FAM149B1: variants seen among roughly 807,000 people sequenced by gnomAD.
FAM149B1 encodes the protein primary cilium assembly protein FAM149B1.
FAM149B1 carries 56 observed loss-of-function variants against 75.3 expected under a neutral mutation model. The observed-to-expected ratio is 0.74, with a 90% CI of 0.60 to 0.93. The LOEUF (loss-of-function observed/expected upper bound fraction) is 0.93, where lower values mean the gene tolerates loss of function less well. Ranked by LOEUF, FAM149B1 falls within the 40% of genes least tolerant of loss-of-function variation. The pLI, the probability that FAM149B1 is intolerant of heterozygous loss-of-function variation, is 0.00. For missense variants in FAM149B1, 639 were observed against 708.4 expected (o/e 0.90, Z 1.11); for synonymous variants, 259 against 256.1 (o/e 1.01, Z -0.11).
At chr10:73,240,706 T>C (rs2043929732) in intron 13 of FAM149B1, among the ~76,000 whole-genome samples, 2 of 144,074 alleles carry the variant, frequency 1.4e-5, no homozygotes, top group African/African-American at 2.6e-5. Flanking sequence ...AGAGTGAGAC[T>C]CCACCTCCAA....
chr10:73,232,242 C>G (rs1019800392), intron 9 of FAM149B1, among the ~76,000 whole-genome samples: 2 of 152,164 alleles, frequency 1.3e-5, no homozygotes, highest in African/African-American at 2.4e-5. Context: ...ACACCTGAAT[C>G]TGTAGGGCAG....
At position 73,191,491 on chromosome 10, in the gene FAM149B1, C is replaced by G. The variant is rs181731700; in HGVS notation, c.283-1065C>G. Among the ~76,000 whole-genome samples, 123 of 152,280 alleles carry G rather than the reference C, an allele frequency of 8.1e-4. No individual in the cohort carries two copies. In the East Asian group the frequency reaches 0.011, roughly 14 times the overall value. ...AACTGGGATTACAGGCACCCGCCAT[C>G]ACACCCAGCTAATTTTTTTTATTTT... On this transcript the variant is annotated intron_variant, in intron 3 of 13. Transcript: ENST00000242505.
chr10:73,187,633 G>T (rs962049299), intron 3 of FAM149B1, among the ~76,000 whole-genome samples: 2 of 152,036 alleles, frequency 1.3e-5, no homozygotes, highest in African/African-American at 4.8e-5. Context: ...GGAGGCTGAG[G>T]CAGGAGAATG....
chr10:73,206,057 A>G (rs11000547), intron 5 of FAM149B1, among the ~76,000 whole-genome samples: 23,430 of 152,202 alleles, frequency 0.15, 2,952 homozygotes, highest in African/African-American at 0.32. Flanking sequence ...GGTTGTGACC[A>G]AAATGCTAAT....
intron 10 of FAM149B1, chr10:73,234,478 G>A: frequency 3.7e-6 from 1 of 269,202 alleles, no homozygotes; most frequent in Non-Finnish European, 7.2e-6. Flanking sequence ...GTCCAGAACT[G>A]TCAAGAATTC....
chr10:73,188,022 G>T (rs935204096), intron 3 of FAM149B1, among the ~76,000 whole-genome samples: 137 of 152,282 alleles, frequency 9.0e-4, no homozygotes, highest in Non-Finnish European at 8.4e-4. Context: ...GGCAGAGGTT[G>T]CAGTGAGCCA....
intron 7 of FAM149B1, among the ~76,000 whole-genome samples, chr10:73,225,793 TCTTTTGTAC>T (rs1281690746): frequency 6.6e-6 from 1 of 152,220 alleles, no homozygotes; most frequent in Non-Finnish European, 1.5e-5. Context: ...ACCATTTTTA[TCTTTTGTAC>T]CATAATTTTA....
At position 73,233,006 on chromosome 10, in the gene FAM149B1, A is replaced by G. The variant is rs1564715267; in HGVS notation, c.1195A>G (p.Asn399Asp). 4 of 1,552,026 alleles carry G rather than the reference A, an allele frequency of 2.6e-6. No homozygotes were observed. Among genetic ancestry groups the G allele is most frequent in the Middle Eastern group, 1.7e-4 (1 of 5,996 alleles). The change falls in exon 10 of 14, where the codon AAT becomes GAT. Residue 399 changes from asparagine (N) to aspartate (D), a missense_variant. Transcript: ENST00000242505. ...STILSTRNWP[N>D]RAVEFSTSSL... ...CATCCTTTCAACTCGAAATTGGCCA[A>G]ATCGAGCTGTGGAGTTTAGTACATC... is the stretch of plus-strand genomic sequence containing the variant.
At chr10:73,240,301 T>C (rs1326131778) in intron 13 of FAM149B1, among the ~76,000 whole-genome samples, 1 of 152,236 alleles carries the variant, frequency 6.6e-6, no homozygotes, top group East Asian at 1.9e-4. Flanking sequence ...ACCATCTTTG[T>C]AGTCCAAGTG....
At chr10:73,199,925 G>T (rs1053928471) in intron 5 of FAM149B1, 2 of 174,436 alleles carry the variant, frequency 1.1e-5, no homozygotes, top group East Asian at 1.5e-4. Flanking sequence ...GGAGGTTGTT[G>T]ATAACTTTGA....
In FAM149B1 at chr10:73,243,548, C is replaced by T; in HGVS notation, c.*2529C>T. On this transcript the variant is annotated 3_prime_UTR_variant, in exon 14 of 14. Coordinates refer to ENST00000242505, the MANE Select transcript of FAM149B1 (RefSeq NM_173348.2). ...TTTGAGAAGTTAAAACACAAGCTTT[C>T]ACAACATTATCCATAGACAGAAAGT... 6.2e-7 allele frequency: 1 copy of T among 1,613,558 alleles called. No individual in the cohort carries two copies. The highest frequency in any genetic ancestry group is 8.5e-7 in the Non-Finnish European group (1 of 1,179,868).
intron 7 of FAM149B1, among the ~76,000 whole-genome samples, chr10:73,219,956 C>T (rs1270770731): frequency 3.9e-4 from 59 of 149,816 alleles, no homozygotes; most frequent in Non-Finnish European, 4.4e-5. Context: ...ATCAAGGAAG[C>T]GAAAGACAAC....
chr10:73,205,785 C>G (rs2043041682), intron 5 of FAM149B1, among the ~76,000 whole-genome samples: 1 of 152,150 alleles, frequency 6.6e-6, no homozygotes. Context: ...AACTCCTGAC[C>G]TCGTGATCCG....
At chr10:73,217,723 A>G (rs1187113344) in intron 7 of FAM149B1, among the ~76,000 whole-genome samples, 5 of 152,202 alleles carry the variant, frequency 3.3e-5, no homozygotes, top group African/African-American at 1.2e-4. Context: ...TACCTTTACC[A>G]TTATCTATTG....
At chr10:73,198,586 C>T (rs2042860454) in intron 5 of FAM149B1, among the ~76,000 whole-genome samples, 1 of 152,132 alleles carries the variant, frequency 6.6e-6, no homozygotes, top group South Asian at 2.1e-4. Context: ...TGGTGGATCA[C>T]CTGAGGTCAA....
chr10:73,202,832 T>G (rs2042971776), intron 5 of FAM149B1, among the ~76,000 whole-genome samples: 1 of 151,928 alleles, frequency 6.6e-6, no homozygotes, highest in Admixed American at 6.6e-5. Context: ...CTGGGACTAC[T>G]GGTGTGCACC....
At chr10:73,200,706 T>C in intron 5 of FAM149B1, 1 of 481,004 alleles carries the variant, frequency 2.1e-6, no homozygotes, top group South Asian at 1.8e-5. Context: ...AAAGATCCTA[T>C]TCAAATTCTG....
At chr10:73,207,813 C>T (rs557814608) in intron 5 of FAM149B1, among the ~76,000 whole-genome samples, 15 of 152,288 alleles carry the variant, frequency 9.8e-5, no homozygotes, top group East Asian at 7.7e-4. Flanking sequence ...GTTTATCTAA[C>T]GCCTATACTC....
chr10:73,240,855 A>G (rs1023945782), intron 13 of FAM149B1, 91 bp from the exon 14 acceptor site: 10 of 757,290 alleles, frequency 1.3e-5, no homozygotes, highest in Non-Finnish European at 2.3e-5. Context: ...AGTCCAATTC[A>G]TAATTGGAGC....
Sources: allele counts gnomAD v4.1 joint callset (sites outside exome capture counted in the v4.1 genomes callset), GRCh38; gene constraint gnomAD v4.1.1; transcripts MANE v1.5; gene names NCBI Gene and HGNC (gene_info 2026-07-23, HGNC 2026-07-21).